CES5A: variants seen among roughly 807,000 people sequenced by gnomAD.
CES5A encodes carboxylesterase 5.
A neutral mutation model predicts 62.9 loss-of-function variants in CES5A; 67 were observed. The ratio of observed to expected loss-of-function variants is 1.07; its 90% CI spans 0.88 to 1.31. The LOEUF (loss-of-function observed/expected upper bound fraction) is 1.31, where lower values mean the gene tolerates loss of function less well. Ranked by LOEUF, CES5A falls within the 50% of genes most tolerant of loss-of-function variation. The pLI is 0.00. For missense variants in CES5A, 748 were observed against 708.5 expected, an observed-to-expected ratio of 1.06 and a Z score of -0.63; for synonymous variants, 296 against 280.8, an observed-to-expected ratio of 1.05 and a Z score of -0.54.
At chr16:55,946,680 A>T (rs1454584735) in intron 2 of CES5A, among the ~76,000 whole-genome samples, 3 of 152,210 alleles carry the variant, frequency 2.0e-5, no homozygotes, top group African/African-American at 7.2e-5. Context: ...TATTGCCATA[A>T]GAATGCCACA....
intron 2 of CES5A, among the ~76,000 whole-genome samples, chr16:55,937,054 A>T (rs947495184): frequency 6.6e-6 from 1 of 152,350 alleles, no homozygotes; most frequent in Non-Finnish European, 1.5e-5. Flanking sequence ...GAGCAGAGTA[A>T]GACAAATACC....
intron 1 of CES5A, among the ~76,000 whole-genome samples, chr16:55,911,158 TG>T (rs2034088390): frequency 6.6e-6 from 1 of 152,148 alleles, no homozygotes; most frequent in Non-Finnish European, 1.5e-5. Context: ...CCTTCCATCT[TG>T]TTGCTCTGCC....
At chr16:55,879,037 C>G (rs1223100280), upstream of CES5A, among the ~76,000 whole-genome samples, 1 of 149,652 alleles carries the variant, frequency 6.7e-6, no homozygotes, top group African/African-American at 2.5e-5. Context: ...TTGCTGCACC[C>G]CATCACTGCA....
At chr16:55,931,515 C>T (rs928460657) in intron 2 of CES5A, among the ~76,000 whole-genome samples, 4 of 152,226 alleles carry the variant, frequency 2.6e-5, no homozygotes, top group African/African-American at 9.6e-5. Context: ...TGTCTCCACC[C>T]TATCTCTTGC....
intron 10 of CES5A, among the ~76,000 whole-genome samples, chr16:55,851,130 A>G (rs145817601): frequency 2.5e-3 from 385 of 152,346 alleles, no homozygotes; most frequent in South Asian, 0.023. Context: ...CAAAAAAGTG[A>G]ATGAATTCTA....
chr16:55,860,306 A>C (rs2033328343), intron 7 of CES5A, among the ~76,000 whole-genome samples: 1 of 152,206 alleles, frequency 6.6e-6, no homozygotes, highest in Non-Finnish European at 1.5e-5. Flanking sequence ...CTTTATTAGC[A>C]GCATGAGAAG....
At chr16:55,886,035 A>C (rs2033812179) in intron 1 of CES5A, among the ~76,000 whole-genome samples, 4 of 152,196 alleles carry the variant, frequency 2.6e-5, no homozygotes, top group Non-Finnish European at 5.9e-5. Context: ...CCACTGCCTC[A>C]TGGCAGGTTC....
At chr16:55,954,881 A>T (rs1238906146) in intron 1 of CES5A, among the ~76,000 whole-genome samples, 4 of 152,136 alleles carry the variant, frequency 2.6e-5, no homozygotes. Flanking sequence ...TTCCCATTGC[A>T]TGGAGAGAGC....
chr16:55,937,233 G>A (rs1164719003), intron 2 of CES5A, among the ~76,000 whole-genome samples: 1 of 152,014 alleles, frequency 6.6e-6, no homozygotes, highest in Non-Finnish European at 1.5e-5. Flanking sequence ...CCCTTTGTTG[G>A]CCCCTCCTGC....
intron 2 of CES5A, among the ~76,000 whole-genome samples, chr16:55,949,318 A>G (rs948468507): frequency 6.6e-6 from 1 of 152,216 alleles, no homozygotes; most frequent in Non-Finnish European, 1.5e-5. Context: ...ATCCTTCGGA[A>G]CTGCCTGAGT....
chr16:55,920,384 G>A (rs1453773336), intron 1 of CES5A, among the ~76,000 whole-genome samples: 3 of 152,168 alleles, frequency 2.0e-5, no homozygotes, highest in African/African-American at 7.2e-5. Flanking sequence ...AACCATCCCT[G>A]ATGTGAGGCA....
intron 6 of CES5A, among the ~76,000 whole-genome samples, chr16:55,862,991 T>A (rs555176874): frequency 6.6e-6 from 1 of 152,350 alleles, no homozygotes; most frequent in East Asian, 1.9e-4. Context: ...CCTCTGAATC[T>A]TTCTTAACAT....
In CES5A at chr16:55,873,996, A is replaced by T; in HGVS notation, c.115T>A (p.Trp39Arg). The T allele has an allele frequency of 1.9e-6, 3 of 1,611,238 alleles. No individual in the cohort carries two copies. Among genetic ancestry groups the T allele is most frequent in the Non-Finnish European group, 2.5e-6 (3 of 1,179,114 alleles). Reference sequence around the variant, plus strand: ...ACAGTGACTTGCTTGCCCTGAATCCATCCCAGCCTGGTGTTCCTCTGTGGC... The same window carrying T: ...ACAGTGACTTGCTTGCCCTGAATCCTTCCCAGCCTGGTGTTCCTCTGTGGC... The part of the protein sequence containing the change: ...EGPQRNTRLG[W>R]IQGKQVTVLG... Residue 39 changes from tryptophan (W) to arginine (R), a missense_variant, in exon 2 of 13, where the codon TGG (tryptophan) becomes AGG (arginine). Transcript: ENST00000290567.
intron 4 of CES5A, among the ~76,000 whole-genome samples, chr16:55,867,266 A>G (rs2033484048): frequency 6.6e-6 from 1 of 152,210 alleles, no homozygotes; most frequent in African/African-American, 2.4e-5. Context: ...AGGCACAGAG[A>G]GGTTAAACCC....
In CES5A at chr16:55,866,265, G is replaced by T. The variant is rs1220014036; in HGVS notation, c.552-149C>A. 2.7e-5 allele frequency: 17 copies of T among 625,718 alleles called. No homozygotes were observed. The Admixed American group carries it at 5.5e-4, about 20-fold the overall frequency. 38.8% of individuals were successfully genotyped at this position (625,718 alleles called of 1,614,324 possible). A position where few individuals can be genotyped will look rare whatever the true frequency, so the allele number is the denominator to read the frequency against. ...GGAGGAGCTGGGGAAACCGGACTCA[G>T]TTCTCACACTTTGCTGAGATTTGGA... On this transcript the variant is annotated intron_variant, in intron 4 of 12. Transcript: ENST00000290567.
At chr16:55,846,862 T>G in intron 11 of CES5A, 22 bp from the exon 12 acceptor site, 1 of 1,610,070 alleles carries the variant, frequency 6.2e-7, no homozygotes, top group Non-Finnish European at 8.5e-7. Context: ...AATCACAAAA[T>G]GCTGCTGCTC....
At chr16:55,869,286 T>C (rs529947326) in intron 4 of CES5A, among the ~76,000 whole-genome samples, 13 of 152,148 alleles carry the variant, frequency 8.5e-5, no homozygotes, top group Non-Finnish European at 1.5e-4. Context: ...ACCCACCAAA[T>C]GCAGAAGATC....
upstream of CES5A, among the ~76,000 whole-genome samples, chr16:55,929,648 A>G (rs2034289583): frequency 6.6e-6 from 1 of 152,208 alleles, no homozygotes; most frequent in South Asian, 2.1e-4. Context: ...TGAGTGCAAA[A>G]TATGTCCATG....
intron 4 of CES5A, 112 bp downstream of exon 4, chr16:55,869,499 T>G: frequency 1.4e-6 from 2 of 1,402,486 alleles, no homozygotes; most frequent in Non-Finnish European, 1.9e-6. Flanking sequence ...AGGGCCAGTT[T>G]TGTTCATTGT....
Sources: allele counts gnomAD v4.1 joint callset (sites outside exome capture counted in the v4.1 genomes callset), GRCh38; gene constraint gnomAD v4.1.1; transcripts MANE v1.5; gene names NCBI Gene and HGNC (gene_info 2026-07-23, HGNC 2026-07-21).